The following AKAP6 variants were observed in gnomAD, a reference collection of about 807,000 sequenced individuals.
The protein encoded by AKAP6 is A-kinase anchoring protein 6.
A neutral mutation model predicts 188.5 loss-of-function variants in AKAP6; 58 were observed. The ratio of observed to expected loss-of-function variants is 0.31; its 90% CI spans 0.25 to 0.38. AKAP6 has a LOEUF of 0.38. Ranked by LOEUF, AKAP6 falls within the 10% of genes least tolerant of loss-of-function variation. AKAP6 has a pLI of 1.00. For synonymous variants in AKAP6, 989 were observed against 998.6 expected (o/e 0.99, Z 0.18); for missense variants, 2,710 against 2,740.0 (o/e 0.99, Z 0.24).
chr14:32,360,809 G>A (rs1566463789), intron 1 of AKAP6, among the ~76,000 whole-genome samples: 1 of 150,448 alleles, frequency 6.6e-6, no homozygotes, highest in Non-Finnish European at 1.5e-5. Flanking sequence ...GCAGTGGCAT[G>A]ATCACAACTC....
At chr14:32,506,164 T>A (rs1336842222) in intron 2 of AKAP6, among the ~76,000 whole-genome samples, 1 of 151,920 alleles carries the variant, frequency 6.6e-6, no homozygotes, top group Non-Finnish European at 1.5e-5. Context: ...ATAATGATAA[T>A]AATTATAAAA....
chr14:32,620,279 C>T (rs908574449), intron 7 of AKAP6, among the ~76,000 whole-genome samples: 12 of 152,074 alleles, frequency 7.9e-5, no homozygotes, highest in African/African-American at 1.4e-4. Context: ...TTTCCCCATT[C>T]GGTATGACAT....
intron 2 of AKAP6, among the ~76,000 whole-genome samples, chr14:32,492,355 T>TATATAGAGAGAGAGAGAGAGAGAG: frequency 2.9e-4 from 24 of 82,596 alleles, no homozygotes; most frequent in South Asian, 1.4e-3. Flanking sequence ...TATATATATA[T>TATATAGAGAGAGAGAGAGAGAGAG]AGAGAGAGAG....
intron 8 of AKAP6, among the ~76,000 whole-genome samples, chr14:32,692,743 A>G (rs140658198): frequency 2.4e-4 from 37 of 152,282 alleles, no homozygotes; most frequent in African/African-American, 6.7e-4. Context: ...AAAGATAATA[A>G]ATTTATCTCT....
At chr14:32,734,141 G>A (rs2031309835) in intron 10 of AKAP6, 1 of 151,976 alleles carries the variant, frequency 6.6e-6, no homozygotes, top group African/African-American at 2.4e-5. Flanking sequence ...GAGAGAGTAG[G>A]GTGAGGGAAG....
At chr14:32,735,620 GTTTGTTTTATTT>G in intron 10 of AKAP6, 26 bp from the exon 11 acceptor site, 6 of 1,406,448 alleles carry the variant, frequency 4.3e-6, no homozygotes, top group Non-Finnish European at 5.8e-6. Context: ...TTTTTTGTTT[GTTTGTTTTATTT>G]TTTGTTTTTT....
intron 2 of AKAP6, among the ~76,000 whole-genome samples, chr14:32,497,749 T>C (rs1880400606): frequency 6.6e-6 from 1 of 151,972 alleles, no homozygotes; most frequent in Non-Finnish European, 1.5e-5. Context: ...AATCTCCAAT[T>C]AAAATTGTGA....
chr14:32,572,409 G>T (rs1884532968), intron 4 of AKAP6, among the ~76,000 whole-genome samples: 1 of 152,192 alleles, frequency 6.6e-6, no homozygotes, highest in East Asian at 1.9e-4. Context: ...AGTTCCACAA[G>T]GCAGGGGCCA....
At chr14:32,430,412 G>A (rs957215636) in intron 1 of AKAP6, among the ~76,000 whole-genome samples, 2 of 152,212 alleles carry the variant, frequency 1.3e-5, no homozygotes, top group African/African-American at 2.4e-5. Flanking sequence ...TGGGACATAA[G>A]CTAATTCTTT....
At chr14:32,523,249 G>A (rs1286862310) in intron 2 of AKAP6, among the ~76,000 whole-genome samples, 3 of 152,024 alleles carry the variant, frequency 2.0e-5, no homozygotes, top group Admixed American at 6.5e-5. Flanking sequence ...AATGGGTGCA[G>A]CACACCAACA....
At chr14:32,530,014 GT>G (rs377359714) in intron 2 of AKAP6, among the ~76,000 whole-genome samples, 2 of 66,572 alleles carry the variant, frequency 3.0e-5, no homozygotes, top group African/African-American at 6.3e-5. Flanking sequence ...CTTTAAGACA[GT>G]TTTTTTTTGG....
intron 1 of AKAP6, among the ~76,000 whole-genome samples, chr14:32,353,012 A>G (rs1258269956): frequency 6.6e-6 from 1 of 152,122 alleles, no homozygotes; most frequent in Admixed American, 6.5e-5. Context: ...CTTTTCTACC[A>G]AGAGTGTATC....
intron 3 of AKAP6, among the ~76,000 whole-genome samples, chr14:32,544,905 G>T (rs1883125276): frequency 6.6e-6 from 1 of 152,050 alleles, no homozygotes; most frequent in Non-Finnish European, 1.5e-5. Flanking sequence ...TTAAGGCTTT[G>T]TTTATGAAAT....
chr14:32,523,148 T>A lies in AKAP6; in HGVS notation c.325-12406T>A, dbSNP rs1463041546. 1.4e-3 allele frequency among the ~76,000 whole-genome samples: 119 copies of A among 86,238 alleles called. 1 individual carries two copies. Among genetic ancestry groups the A allele is most frequent in the African/African-American group, 5.0e-3 (113 of 22,822 alleles). 56.6% of individuals were successfully genotyped at this position (86,238 alleles called of 152,430 possible). On this transcript the variant is annotated intron_variant, in intron 2 of 13. Transcript: ENST00000280979. ...ACAATGAGAACACTTGGACACAGGG[T>A]GGGGAACATCACACACCGGGGCCTG... is the stretch of plus-strand genomic sequence containing the variant.
At chr14:32,487,240 C>T (rs1879750409) in intron 2 of AKAP6, among the ~76,000 whole-genome samples, 1 of 152,156 alleles carries the variant, frequency 6.6e-6, no homozygotes, top group Non-Finnish European at 1.5e-5. Context: ...TGAAGATTTT[C>T]ACATCAATGT....
intron 1 of AKAP6, 170 bp from the exon 2 acceptor site, chr14:32,433,290 G>C: frequency 1.8e-6 from 1 of 555,770 alleles, no homozygotes; most frequent in East Asian, 3.1e-5. Context: ...TGGCTCTTGG[G>C]GCTACCATGT....
At chr14:32,650,985 A>T (rs1336208964) in intron 7 of AKAP6, among the ~76,000 whole-genome samples, 2 of 152,188 alleles carry the variant, frequency 1.3e-5, no homozygotes, top group Non-Finnish European at 2.9e-5. Context: ...CATATGAAGG[A>T]AAAAAGTATC....
chr14:32,336,123 G>C (rs980787613), intron 1 of AKAP6, among the ~76,000 whole-genome samples: 2 of 151,962 alleles, frequency 1.3e-5, no homozygotes, highest in African/African-American at 2.4e-5. Flanking sequence ...GTCACAGTGA[G>C]AAGTGGCTGT....
intron 2 of AKAP6, among the ~76,000 whole-genome samples, chr14:32,463,429 G>A (rs1434891649): frequency 6.6e-6 from 1 of 152,114 alleles, no homozygotes; most frequent in Non-Finnish European, 1.5e-5. Flanking sequence ...TCAAATTAGA[G>A]CTCAGGATTA....
Sources: allele counts gnomAD v4.1 joint callset (sites outside exome capture counted in the v4.1 genomes callset), GRCh38; gene constraint gnomAD v4.1.1; transcripts MANE v1.5; gene names NCBI Gene and HGNC (gene_info 2026-07-23, HGNC 2026-07-21).